Variants in CHORDC1 observed in about 807,000 individuals in gnomAD.
CHORDC1 encodes the protein cysteine and histidine rich domain containing 1.
A neutral mutation model predicts 48.3 loss-of-function variants in CHORDC1; 25 were observed. The observed-to-expected ratio is 0.52, with a 90% CI of 0.38 to 0.72. The LOEUF is 0.72. Among genes scored for constraint, CHORDC1 ranks in the 30% least tolerant of loss-of-function variants. The pLI is 0.00. For missense variants in CHORDC1, 317 were observed against 388.7 expected (o/e 0.82, Z 1.55); for synonymous variants, 128 against 126.4 (o/e 1.01, Z -0.09).
rs746234828 is a variant in CHORDC1 at position 90,206,198 on chromosome 11, T to C, written c.563+4A>G. 11 of 1,483,318 alleles carry C rather than the reference T, an allele frequency of 7.4e-6. No homozygotes were observed. The South Asian group carries it at 1.2e-4, about 17-fold the overall frequency. The allele number at this position is 1,483,318 out of a possible 1,614,324, so 91.9% of individuals were successfully genotyped here. ...ACTATTTTAATAAGTCATGCATAAG[T>C]TACCCCTCATGGAAAATAGGTACTC... is the stretch of plus-strand genomic sequence containing the variant. On this transcript the variant is annotated splice_donor_region_variant and intron_variant, in intron 7 of 10. Transcript: ENST00000320585.
chr11:90,206,863 AG>A lies in CHORDC1; in HGVS notation c.493-592del, dbSNP rs1347202910. On this transcript the variant is annotated intron_variant, in intron 6 of 10. Coordinates refer to ENST00000320585, the MANE Select transcript of CHORDC1 (RefSeq NM_012124.3). ...TTAATAAAACATGGATGTAGCCAGT[AG>A]TATATTTTCTATTTTTGTATTTATA... 26 of 797,292 alleles carry A rather than the reference AG, an allele frequency of 3.3e-5. No individual in the cohort carries two copies. The South Asian group carries it at 3.7e-4, about 11-fold the overall frequency. The allele number at this position is 797,292 out of a possible 1,614,324, so 49.4% of individuals were successfully genotyped here. A position where few individuals can be genotyped will look rare whatever the true frequency, so the allele number is the denominator to read the frequency against.
intron 7 of CHORDC1, 87 bp from the exon 8 acceptor site, chr11:90,205,652 A>G: frequency 1.2e-6 from 1 of 813,384 alleles, no homozygotes; most frequent in Non-Finnish European, 2.0e-6. Flanking sequence ...CTGATTTTTA[A>G]TAAGCCAGTA....
chr11:90,203,469 A>AT (rs1857591962), intron 8 of CHORDC1, 42 bp from the exon 9 acceptor site: 1 of 1,487,844 alleles, frequency 6.7e-7, no homozygotes, highest in African/African-American at 1.4e-5. Context: ...AAAGTGCCAC[A>AT]TAATTAATTT....
rs553305366 is a variant in CHORDC1, at chr11:90,218,261, G to C, written c.65-77C>G. Reference sequence around the variant, plus strand: ...AATATATACATGATCATCTCCTTAAGGTGTTAACCTTTAATCCTTTTTCCA... The same window carrying C: ...AATATATACATGATCATCTCCTTAACGTGTTAACCTTTAATCCTTTTTCCA... On this transcript the variant is annotated intron_variant, in intron 1 of 10. Coordinates refer to ENST00000320585, the MANE Select transcript of CHORDC1 (RefSeq NM_012124.3). The C allele has an allele frequency of 2.1e-4, 230 of 1,089,540 alleles. 3 individuals are homozygous for C. In the African/African-American group the frequency reaches 3.6e-3, roughly 17 times the overall value. 67.5% of individuals were successfully genotyped at this position (1,089,540 alleles called of 1,614,324 possible). A position where few individuals can be genotyped will look rare whatever the true frequency, so the allele number is the denominator to read the frequency against.
At chr11:90,202,969 T>C in intron 9 of CHORDC1, 94 bp from the exon 10 acceptor site, 1 of 1,370,274 alleles carries the variant, frequency 7.3e-7, no homozygotes, top group South Asian at 1.5e-5. Flanking sequence ...CAAAAATGAA[T>C]TAAGCTATTT....
chr11:90,209,072 C>T (rs1030784420), intron 6 of CHORDC1: 2 of 152,174 alleles, frequency 1.3e-5, no homozygotes, highest in Admixed American at 1.3e-4. Flanking sequence ...ATACCTTCTC[C>T]TTGATCTTCC....
At chr11:90,213,171 G>C in intron 4 of CHORDC1, 1 of 401,802 alleles carries the variant, frequency 2.5e-6, no homozygotes, top group Non-Finnish European at 4.5e-6. Flanking sequence ...TGTACTCAGA[G>C]TGCTAATGAA....
rs1030568612 is a variant in CHORDC1, at chr11:90,201,235, A to G, written c.*1170T>C. 1.3e-5 allele frequency: 2 copies of G among 151,998 alleles called. No individual in the cohort carries two copies. The highest frequency in any genetic ancestry group is 1.9e-4 in the East Asian group (1 of 5,194). The allele number at this position is 151,998 out of a possible 1,614,324, so 9.4% of individuals were successfully genotyped here. On this transcript the variant is annotated 3_prime_UTR_variant, in exon 11 of 11. Transcript: ENST00000320585. ...AAACCCCTTTTAATTTTAAATCTAC[A>G]TAAGTTTAATTTATTCCCAAACTTT...
intron 6 of CHORDC1, chr11:90,207,393 A>G (rs1211740507): frequency 1.3e-5 from 2 of 152,290 alleles, no homozygotes; most frequent in Non-Finnish European, 2.9e-5. Context: ...ATGTGCCTCC[A>G]TATGAGAAAA....
At chr11:90,222,663 G>T in intron 1 of CHORDC1, 1 of 693,240 alleles carries the variant, frequency 1.4e-6, no homozygotes, top group Non-Finnish European at 2.6e-6. Context: ...TCTCTCCGCA[G>T]TGGCAGAGGA....
intron 1 of CHORDC1, 82 bp downstream of exon 1, chr11:90,222,809 T>G: frequency 7.8e-7 from 1 of 1,285,520 alleles, no homozygotes; most frequent in South Asian, 1.2e-5. Flanking sequence ...CTGCAGGAGA[T>G]CCGCGGACAC....
chr11:90,214,207 T>A, intron 3 of CHORDC1, 32 bp from the exon 4 acceptor site: 2 of 1,478,452 alleles, frequency 1.4e-6, no homozygotes, highest in Non-Finnish European at 1.8e-6. Flanking sequence ...TTAAGAGCTA[T>A]CTATTTTACA....
chr11:90,206,432 T>C (rs1032968898), intron 6 of CHORDC1, 160 bp from the exon 7 acceptor site: 1 of 551,382 alleles, frequency 1.8e-6, no homozygotes, highest in East Asian at 3.1e-5. Context: ...TGTTAAAAAA[T>C]GAAAAATGAT....
chr11:90,214,167 T>C lies in CHORDC1; in HGVS notation c.180A>G (p.Thr60=), dbSNP rs763538741. The change falls in exon 4 of 11, where the codon ACA becomes ACG. Residue 60 remains threonine, a synonymous_variant. Transcript: ENST00000320585. ...GCTTCTCACTATTATGTCTACCTTT[T>C]GTACAGCCCTGTTAGTGAAAGATAA... The part of the protein sequence containing the change: ...FSDFLSIVGC[T]KGRHNSEKPP... 1 of 1,607,262 alleles carries C rather than the reference T, an allele frequency of 6.2e-7. No individual in the cohort carries two copies.
intron 1 of CHORDC1, among the ~76,000 whole-genome samples, chr11:90,221,232 A>C (rs1001749015): frequency 1.8e-4 from 27 of 152,154 alleles, no homozygotes; most frequent in African/African-American, 6.0e-4. Flanking sequence ...ACCTCTTCCT[A>C]AAAAACCTCC....
chr11:90,211,375 C>T (rs1307041317), intron 4 of CHORDC1, 57 bp from the exon 5 acceptor site: 2 of 1,105,296 alleles, frequency 1.8e-6, no homozygotes, highest in Non-Finnish European at 2.7e-6. Context: ...TTTCTTTGTA[C>T]TCCAAATTAA....
At chr11:90,214,595 T>C (rs543765823) in intron 3 of CHORDC1, among the ~76,000 whole-genome samples, 15 of 152,180 alleles carry the variant, frequency 9.9e-5, no homozygotes, top group Admixed American at 9.8e-4. Flanking sequence ...CATCTCCTCA[T>C]TTGTAAAATG....
intron 7 of CHORDC1, 62 bp from the exon 8 acceptor site, chr11:90,205,627 A>T: frequency 9.8e-7 from 1 of 1,022,312 alleles, no homozygotes; most frequent in Non-Finnish European, 1.5e-6. Context: ...ATCCACAAGT[A>T]TTTTAGGGAT....
chr11:90,210,622 A>G, intron 5 of CHORDC1, 28 bp from the exon 6 acceptor site: 1 of 1,435,610 alleles, frequency 7.0e-7, no homozygotes, highest in East Asian at 2.3e-5. Context: ...AAATCAAATT[A>G]AAAAGTTAAA....
Sources: gnomAD v4.1 joint callset for allele counts (sites outside exome capture counted in the v4.1 genomes callset) on GRCh38, gnomAD v4.1.1 for gene constraint, MANE v1.5 for transcripts, NCBI Gene and HGNC (gene_info 2026-07-23, HGNC 2026-07-21) for gene names.